VIPR2: variants seen among roughly 807,000 people sequenced by gnomAD.
VIPR2 encodes the protein vasoactive intestinal peptide receptor 2, also known as vasoactive intestinal polypeptide receptor 2.
A neutral mutation model predicts 58.0 loss-of-function variants in VIPR2; 48 were observed. The observed-to-expected ratio is 0.83, with a 90% confidence interval of 0.66 to 1.05. The LOEUF (loss-of-function observed/expected upper bound fraction) is 1.05. Ranked by LOEUF, VIPR2 falls within the 50% of genes least tolerant of loss-of-function variation. VIPR2 has a pLI of 0.00. For missense variants in VIPR2, 534 were observed against 558.0 expected (o/e 0.96, Z 0.43); for synonymous variants, 243 against 235.2 (o/e 1.03, Z -0.30).
chr7:159,121,490 A>G (rs1291022555), intron 2 of VIPR2, among the ~76,000 whole-genome samples: 1 of 152,220 alleles, frequency 6.6e-6, no homozygotes, highest in Non-Finnish European at 1.5e-5. Flanking sequence ...ATTTTGACAC[A>G]CTGTTACACA....
intron 4 of VIPR2, among the ~76,000 whole-genome samples, chr7:159,073,696 A>C (rs909885055): frequency 2.6e-5 from 4 of 151,660 alleles, no homozygotes; most frequent in African/African-American, 9.7e-5. Context: ...GGCGTGAGCC[A>C]CCGTGCTCAG....
At chr7:159,072,932 G>C (rs1012949723) in intron 4 of VIPR2, among the ~76,000 whole-genome samples, 2 of 152,176 alleles carry the variant, frequency 1.3e-5, no homozygotes, top group African/African-American at 4.8e-5. Context: ...AACATTTCCA[G>C]AACAGATTTA....
intron 2 of VIPR2, among the ~76,000 whole-genome samples, chr7:159,135,028 TTTA>T (rs1367425398): frequency 0.019 from 1,874 of 98,636 alleles, 144 homozygotes; most frequent in African/African-American, 0.07. Flanking sequence ...TTTTTTTTTT[TTTA>T]ACATTTTAAG....
intron 2 of VIPR2, among the ~76,000 whole-genome samples, chr7:159,133,378 T>C (rs1797065655): frequency 6.6e-6 from 1 of 152,296 alleles, no homozygotes; most frequent in East Asian, 1.9e-4. Context: ...ATGTCCTTTC[T>C]CCCTGCCTTA....
At chr7:159,053,515 C>T (rs1203948740) in intron 5 of VIPR2, among the ~76,000 whole-genome samples, 1 of 152,126 alleles carries the variant, frequency 6.6e-6, no homozygotes, top group Non-Finnish European at 1.5e-5. Flanking sequence ...CAATGCAATA[C>T]CAAATGAAAT....
intron 5 of VIPR2, among the ~76,000 whole-genome samples, chr7:159,053,907 T>A (rs1563276595): frequency 6.6e-6 from 1 of 152,256 alleles, no homozygotes; most frequent in African/African-American, 2.4e-5. Context: ...AAAATTCACA[T>A]GTAAGTACAA....
chr7:159,131,006 C>T (rs1383022808), intron 2 of VIPR2, among the ~76,000 whole-genome samples: 1 of 152,162 alleles, frequency 6.6e-6, no homozygotes, highest in East Asian at 1.9e-4. Flanking sequence ...ATGGCAGTCT[C>T]CTCTTCCAGA....
rs2129495927 is a variant in VIPR2 at position 159,103,780 on chromosome 7, T to A, written c.334A>T (p.Ser112Cys). The A allele has an allele frequency of 6.2e-7, 1 of 1,614,170 alleles. No individual in the cohort carries two copies. The highest frequency in any genetic ancestry group is 2.2e-5 in the East Asian group (1 of 44,878). ...ACCTTGCTCTCATCCTCCGGGTCGCTGTAGCCACAGGCATCGACGAAATCT... is the reference window on the plus strand; with the variant it reads ...ACCTTGCTCTCATCCTCCGGGTCGCAGTAGCCACAGGCATCGACGAAATCT... ...FPDFVDACGY[S>C]DPEDESKITF... The change falls in exon 4 of 13, where the codon AGC becomes TGC. Residue 112 changes from serine to cysteine, a missense_variant. By Grantham distance (112) the Ser-to-Cys change is moderately radical (BLOSUM62 -1). Transcript: ENST00000262178.
At chr7:159,072,170 G>A (rs1177994661) in intron 4 of VIPR2, among the ~76,000 whole-genome samples, 1 of 145,542 alleles carries the variant, frequency 6.9e-6, no homozygotes, top group Non-Finnish European at 1.5e-5. Flanking sequence ...AGAGTCCCAC[G>A]TCTCTAGGCC....
chr7:159,109,802 C>A lies in VIPR2; in HGVS notation c.259+10G>T. On this transcript the variant is annotated intron_variant, in intron 3 of 12. Coordinates refer to ENST00000262178, the MANE Select transcript of VIPR2 (RefSeq NM_003382.5). Reference sequence around the variant, plus strand: ...TGGAGGAGCTCAGGAACTCAACCGACGGACAGTACCTGCTTTGCTGTAAAA... The same window carrying A: ...TGGAGGAGCTCAGGAACTCAACCGAAGGACAGTACCTGCTTTGCTGTAAAA... 1 of 1,613,420 alleles carries A rather than the reference C, an allele frequency of 6.2e-7. No homozygotes were observed. Among genetic ancestry groups the A allele is most frequent in the South Asian group, 1.1e-5 (1 of 91,068 alleles).
chr7:159,079,178 C>A (rs532962295), intron 4 of VIPR2, among the ~76,000 whole-genome samples: 1 of 152,300 alleles, frequency 6.6e-6, no homozygotes, highest in South Asian at 2.1e-4. Flanking sequence ...ACCACGGCTC[C>A]ACCCGCTCAG....
At position 159,124,325 on chromosome 7, in the gene VIPR2, T is replaced by C. The variant is rs543913609; in HGVS notation, c.152-14406A>G. ...ACCATCTTGAGTTGATTTTTGTTTA[T>C]GTGTAAGGAAAGAGTCCAGCTTCGA... is the stretch of plus-strand genomic sequence containing the variant. On this transcript the variant is annotated intron_variant, in intron 2 of 12. Coordinates refer to ENST00000262178, the MANE Select transcript of VIPR2 (RefSeq NM_003382.5). Among the ~76,000 whole-genome samples, 171 of 152,294 alleles carry C rather than the reference T, an allele frequency of 1.1e-3. 1 individual carries two copies. Among genetic ancestry groups the C allele is most frequent in the Non-Finnish European group, 2.0e-3 (137 of 68,012 alleles).
chr7:159,109,919 G>T lies in VIPR2; in HGVS notation c.152C>A (p.Ala51Asp). The T allele has an allele frequency of 1.2e-6, 2 of 1,613,270 alleles. No individual in the cohort carries two copies. The highest frequency in any genetic ancestry group is 8.5e-7 in the Non-Finnish European group (1 of 1,179,998). Reference protein sequence around the residue: ...LLRSQTEKHKACSGVWDNITC... With the variant: ...LLRSQTEKHKDCSGVWDNITC... Reference sequence around the variant, plus strand: ...GATGTTGTCCCAGACGCCACTGCAGGCTGGAAGGAGAGAAGCAGAGTGAGG... The same window carrying T: ...GATGTTGTCCCAGACGCCACTGCAGTCTGGAAGGAGAGAAGCAGAGTGAGG... The change falls in exon 3 of 13, where the codon GCC becomes GAC. Residue 51 changes from alanine to aspartate, a missense_variant and splice_region_variant. This residue lies in a region of VIPR2 where 224 missense variants were observed against 255.7 expected (regional missense o/e 0.88). Transcript: ENST00000262178.
chr7:159,101,648 C>T (rs1311823488), intron 4 of VIPR2, among the ~76,000 whole-genome samples: 7 of 132,448 alleles, frequency 5.3e-5, no homozygotes, highest in Admixed American at 7.4e-5. Context: ...TCCGACGAGG[C>T]CGTTCCCCCG....
At chr7:159,106,679 G>A (rs1431611324) in intron 3 of VIPR2, among the ~76,000 whole-genome samples, 1 of 141,866 alleles carries the variant, frequency 7.0e-6, no homozygotes, top group Non-Finnish European at 1.5e-5. Context: ...GAGAGGCCAG[G>A]GAGGGGCAGA....
At chr7:159,051,557 T>C (rs556391682) in intron 5 of VIPR2, among the ~76,000 whole-genome samples, 1 of 152,276 alleles carries the variant, frequency 6.6e-6, no homozygotes, top group African/African-American at 2.4e-5. Context: ...TTGTCATAAG[T>C]AGACTGTGCG....
intron 10 of VIPR2, among the ~76,000 whole-genome samples, chr7:159,033,468 A>T (rs1853714650): frequency 6.6e-6 from 1 of 152,108 alleles, no homozygotes; most frequent in Non-Finnish European, 1.5e-5. Flanking sequence ...TTATACTTGA[A>T]TTTTGGTTTT....
chr7:159,132,434 G>A (rs1186711133), intron 2 of VIPR2, among the ~76,000 whole-genome samples: 2 of 150,118 alleles, frequency 1.3e-5, no homozygotes, highest in African/African-American at 4.9e-5. Context: ...GAGTGAAACT[G>A]GGTGTTCTAC....
In VIPR2 at chr7:159,098,687, A is replaced by G. The variant is rs1446044986; in HGVS notation, c.357+5070T>C. On this transcript the variant is annotated intron_variant, in intron 4 of 12. Transcript: ENST00000262178. This position sits in a 1 kb window ranked among gnomAD's most constrained non-coding sequence, Gnocchi z 5.2. ...TCTCCTCCCAGGGGCTCCCACACCC[A>G]CATCTCTGCTGATTCCCTCACACAT... Among the ~76,000 whole-genome samples the G allele has an allele frequency of 1.3e-5, 2 of 152,166 alleles. No individual in the cohort carries two copies. Among genetic ancestry groups the G allele is most frequent in the African/African-American group, 4.8e-5 (2 of 41,430 alleles).
Sources: gnomAD v4.1 joint callset for allele counts (sites outside exome capture counted in the v4.1 genomes callset) on GRCh38, gnomAD v4.1.1 for gene constraint, gnomAD v4.1.1 regional missense constraint, Gnocchi (gnomAD v3.1) non-coding constraint, MANE v1.5 for transcripts, NCBI Gene and HGNC (gene_info 2026-07-23, HGNC 2026-07-21) for gene names.